The following WASHC3 variants were observed in gnomAD, a reference collection of about 807,000 sequenced individuals.
The protein encoded by WASHC3 is WASH complex subunit CCDC53.
A neutral mutation model predicts 26.1 loss-of-function variants in WASHC3; 24 were observed. The observed-to-expected ratio is 0.92, with a 90% CI of 0.66 to 1.29. The LOEUF (loss-of-function observed/expected upper bound fraction) is 1.29, where lower values mean the gene tolerates loss of function less well. Ranked by LOEUF, WASHC3 falls within the 50% of genes most tolerant of loss-of-function variation. The pLI, the probability that WASHC3 is intolerant of heterozygous loss-of-function variation, is 0.00. For synonymous variants in WASHC3, 77 were observed against 75.7 expected (o/e 1.02, Z -0.09); for missense variants, 214 against 229.6 (o/e 0.93, Z 0.44).
At position 102,039,127 on chromosome 12, in the gene WASHC3, G is replaced by GTTTTT. The variant is rs151151284; in HGVS notation, c.435+740_435+741insAAAAA. On this transcript the variant is annotated intron_variant, in intron 5 of 6. Transcript: ENST00000240079. ...AGGTGCATGCCATCATATGGAGTTA[G>GTTTTT]GTTTTTTTTTTTTTTTTTTTTTTTA... Among the ~76,000 whole-genome samples, 14 of 84,240 alleles carry GTTTTT rather than the reference G, an allele frequency of 1.7e-4. 1 individual carries two copies. Among genetic ancestry groups the GTTTTT allele is most frequent in the Non-Finnish European group, 2.3e-4 (10 of 43,124 alleles). The allele number at this position is 84,240 out of a possible 152,430, so 55.3% of individuals were successfully genotyped here. A position where few individuals can be genotyped will look rare whatever the true frequency, so the allele number is the denominator to read the frequency against.
chr12:102,058,508 A>G (rs1470824732), intron 2 of WASHC3, among the ~76,000 whole-genome samples: 3 of 152,160 alleles, frequency 2.0e-5, no homozygotes, highest in African/African-American at 7.2e-5. Flanking sequence ...TGCACAGCCA[A>G]CGAAACCATC....
At chr12:102,044,314 C>T (rs12300844) in intron 3 of WASHC3, 102 bp from the exon 4 acceptor site, 56 of 442,550 alleles carry the variant, frequency 1.3e-4, no homozygotes, top group African/African-American at 1.1e-3. Context: ...CAAATAGGTT[C>T]ACAATATCTT....
At chr12:102,038,710 T>C (rs1042600841) in intron 5 of WASHC3, among the ~76,000 whole-genome samples, 11 of 152,154 alleles carry the variant, frequency 7.2e-5, no homozygotes, top group African/African-American at 2.7e-4. Flanking sequence ...TTTTTCTAAA[T>C]TGACCGCCAA....
chr12:102,018,226 C>T (rs1034842172), intron 6 of WASHC3, among the ~76,000 whole-genome samples: 7 of 152,164 alleles, frequency 4.6e-5, no homozygotes, highest in African/African-American at 1.7e-4. Flanking sequence ...TACTTACTTC[C>T]ATTGCTTCTA....
At chr12:102,045,885 A>G (rs1326119955) in intron 3 of WASHC3, among the ~76,000 whole-genome samples, 169 bp downstream of exon 3, 1 of 152,272 alleles carries the variant, frequency 6.6e-6, no homozygotes, top group Non-Finnish European at 1.5e-5. Flanking sequence ...TTCATAATGA[A>G]CACCATTTTC....
At chr12:102,024,430 G>A (rs1455581732) in intron 6 of WASHC3, among the ~76,000 whole-genome samples, 2 of 152,198 alleles carry the variant, frequency 1.3e-5, no homozygotes, top group African/African-American at 4.8e-5. Flanking sequence ...GGCATATGGT[G>A]AGATGTGAGA....
intron 2 of WASHC3, among the ~76,000 whole-genome samples, chr12:102,048,827 C>T (rs372407776): frequency 6.6e-6 from 1 of 152,056 alleles, no homozygotes; most frequent in Non-Finnish European, 1.5e-5. Context: ...ATTCTATCCA[C>T]CTGAAAACAT....
At chr12:102,034,781 AGTGT>A (rs60815635) in intron 5 of WASHC3, among the ~76,000 whole-genome samples, 2,261 of 146,002 alleles carry the variant, frequency 0.015, 23 homozygotes, top group East Asian at 0.051. Context: ...CCTAAAAAAA[AGTGT>A]GTGTGTGTGT....
intron 5 of WASHC3, among the ~76,000 whole-genome samples, chr12:102,038,137 T>C (rs773449405): frequency 6.6e-6 from 1 of 152,144 alleles, no homozygotes; most frequent in African/African-American, 2.4e-5. Flanking sequence ...TGAAAAGCAA[T>C]TGAACTTGTT....
chr12:102,043,205 G>A (rs1209865889), intron 4 of WASHC3, among the ~76,000 whole-genome samples: 1 of 152,162 alleles, frequency 6.6e-6, no homozygotes. Context: ...TGCCCATGTG[G>A]TTGGTCCATG....
intron 2 of WASHC3, among the ~76,000 whole-genome samples, chr12:102,057,680 A>T (rs1264214396): frequency 1.3e-5 from 2 of 152,130 alleles, no homozygotes; most frequent in African/African-American, 4.8e-5. Context: ...TACAAAAAAA[A>T]TACATAGGGG....
At chr12:102,013,663 T>C (rs1169648741) in intron 6 of WASHC3, among the ~76,000 whole-genome samples, 1 of 152,128 alleles carries the variant, frequency 6.6e-6, no homozygotes, top group East Asian at 1.9e-4. Flanking sequence ...AATAAAAAAA[T>C]AGGTAATGTG....
chr12:102,032,323 C>G (rs978262657), intron 5 of WASHC3, among the ~76,000 whole-genome samples: 2 of 152,110 alleles, frequency 1.3e-5, no homozygotes, highest in African/African-American at 2.4e-5. Flanking sequence ...AAATACAAGT[C>G]ATTAGCTTCT....
chr12:102,057,636 G>GA (rs965568221), intron 2 of WASHC3, among the ~76,000 whole-genome samples: 15 of 148,626 alleles, frequency 1.0e-4, no homozygotes, highest in Admixed American at 6.0e-4. Context: ...TAAACTATCT[G>GA]AAAAAAAAGA....
At chr12:102,016,818 A>T (rs995235371) in intron 6 of WASHC3, among the ~76,000 whole-genome samples, 2 of 152,234 alleles carry the variant, frequency 1.3e-5, no homozygotes, top group Non-Finnish European at 2.9e-5. Context: ...TAGCTGTAAA[A>T]TTTATGACTT....
At chr12:102,050,980 G>A (rs1406416935) in intron 2 of WASHC3, among the ~76,000 whole-genome samples, 1 of 152,192 alleles carries the variant, frequency 6.6e-6, no homozygotes, top group Non-Finnish European at 1.5e-5. Context: ...CTTCTACTCT[G>A]GTGCCAATCA....
intron 5 of WASHC3, among the ~76,000 whole-genome samples, chr12:102,037,057 T>C (rs1428382589): frequency 1.3e-5 from 2 of 152,206 alleles, no homozygotes; most frequent in African/African-American, 4.8e-5. Flanking sequence ...AAAATACATA[T>C]GCTGTATGTA....
intron 5 of WASHC3, among the ~76,000 whole-genome samples, chr12:102,035,534 G>A (rs565227504): frequency 1.3e-5 from 2 of 152,298 alleles, no homozygotes; most frequent in South Asian, 4.1e-4. Context: ...CCTTGAGGAA[G>A]ACCTCTGCTG....
chr12:102,058,112 G>A (rs1054376019), intron 2 of WASHC3, among the ~76,000 whole-genome samples: 7 of 152,022 alleles, frequency 4.6e-5, no homozygotes, highest in Admixed American at 1.3e-4. Context: ...TTTTGAGAAA[G>A]ATGTTAAGAA....
Sources: gnomAD v4.1 joint callset for allele counts (sites outside exome capture counted in the v4.1 genomes callset) on GRCh38, gnomAD v4.1.1 for gene constraint, MANE v1.5 for transcripts, NCBI Gene and HGNC (gene_info 2026-07-23, HGNC 2026-07-21) for gene names.